TMEM132D: variants seen among roughly 807,000 people sequenced by gnomAD.
The protein encoded by TMEM132D is transmembrane protein 132D, also known as mature OL transmembrane protein.
In TMEM132D, 21 loss-of-function variants were observed where a neutral mutation model predicts 62.3. The ratio of observed to expected loss-of-function variants is 0.34; its 90% CI spans 0.24 to 0.49. TMEM132D has a LOEUF of 0.49. Among genes scored for constraint, TMEM132D ranks in the 20% least tolerant of loss-of-function variants. The pLI is 0.99. For missense variants in TMEM132D, 1,346 were observed against 1,402.8 expected, an observed-to-expected ratio of 0.96 and a Z score of 0.65; for synonymous variants, 621 against 575.6, an observed-to-expected ratio of 1.08 and a Z score of -1.13.
intron 4 of TMEM132D, among the ~76,000 whole-genome samples, chr12:129,323,922 T>TC (rs1256115067): frequency 3.9e-5 from 6 of 152,172 alleles, no homozygotes; most frequent in Non-Finnish European, 8.8e-5. Flanking sequence ...ATTTTTTTTT[T>TC]TTGAAGGTTT....
At chr12:129,221,489 G>A (rs553170772) in intron 4 of TMEM132D, among the ~76,000 whole-genome samples, 1 of 152,200 alleles carries the variant, frequency 6.6e-6, no homozygotes, top group South Asian at 2.1e-4. Context: ...GTCCTTCTGG[G>A]CAGCAGGATA....
intron 5 of TMEM132D, among the ~76,000 whole-genome samples, chr12:129,191,446 A>G (rs972692489): frequency 6.8e-6 from 1 of 147,304 alleles, no homozygotes; most frequent in Non-Finnish European, 1.5e-5. Flanking sequence ...TTTCCTTTCT[A>G]TGGAGGAAAC....
chr12:129,193,518 G>A (rs1272474178), intron 5 of TMEM132D, among the ~76,000 whole-genome samples: 1 of 152,150 alleles, frequency 6.6e-6, no homozygotes, highest in African/African-American at 2.4e-5. Flanking sequence ...TGCCCATCAT[G>A]CTTTAGAGCA....
At chr12:129,168,236 ATC>A (rs1395767501) in intron 5 of TMEM132D, among the ~76,000 whole-genome samples, 2 of 130,286 alleles carry the variant, frequency 1.5e-5, no homozygotes, top group African/African-American at 3.6e-5. Context: ...TCCTCAATCC[ATC>A]TCCTCTTTTG....
chr12:129,842,227 C>A (rs1291124084), intron 1 of TMEM132D, among the ~76,000 whole-genome samples: 2 of 150,268 alleles, frequency 1.3e-5, no homozygotes, highest in African/African-American at 2.5e-5. Flanking sequence ...GGATGACAGG[C>A]GTGAGCCACC....
intron 5 of TMEM132D, among the ~76,000 whole-genome samples, chr12:129,206,814 G>A (rs1051737395): frequency 6.6e-6 from 1 of 152,134 alleles, no homozygotes; most frequent in Non-Finnish European, 1.5e-5. Context: ...GACATGGATG[G>A]AGCTAGAGGC....
chr12:129,387,843 T>C (rs867645067), intron 3 of TMEM132D, among the ~76,000 whole-genome samples: 158 of 67,488 alleles, frequency 2.3e-3, no homozygotes, highest in African/African-American at 3.0e-3. Flanking sequence ...AACACCGACA[T>C]CAATACTAAC....
chr12:129,612,012 G>T (rs967235103), intron 2 of TMEM132D, among the ~76,000 whole-genome samples: 1 of 152,172 alleles, frequency 6.6e-6, no homozygotes, highest in African/African-American at 2.4e-5. Flanking sequence ...CCCTATGGAG[G>T]TGTGGCTCTT....
chr12:129,190,947 G>A (rs4964858), intron 5 of TMEM132D, among the ~76,000 whole-genome samples: 65,158 of 151,696 alleles, frequency 0.43, 14,291 homozygotes, highest in Middle Eastern at 0.51. Context: ...TGCTGCCTCC[G>A]CACAAAAGGT....
At position 129,299,073 on chromosome 12, in the gene TMEM132D, C is replaced by T. The variant is rs149738998; in HGVS notation, c.1299+38561G>A. ...CGCTTCAGAAGGAAGTTCCCAAGGT[C>T]GATCTGTGACTCAGGTATGGCTCAT... On this transcript the variant is annotated intron_variant, in intron 4 of 8. Transcript: ENST00000422113. Among the ~76,000 whole-genome samples the T allele has an allele frequency of 8.9e-4, 136 of 152,272 alleles. 1 individual carries two copies. The highest frequency in any genetic ancestry group is 2.8e-3 in the African/African-American group (118 of 41,562).
intron 5 of TMEM132D, among the ~76,000 whole-genome samples, chr12:129,166,848 TG>T (rs1280080339): frequency 6.6e-6 from 1 of 151,788 alleles, no homozygotes; most frequent in Admixed American, 6.6e-5. Flanking sequence ...TACATTTTCC[TG>T]GGCTAGCTCA....
At chr12:129,539,405 C>CTTTTT (rs33913406) in intron 2 of TMEM132D, among the ~76,000 whole-genome samples, 3 of 117,012 alleles carry the variant, frequency 2.6e-5, no homozygotes, top group South Asian at 2.9e-4. Flanking sequence ...CTAATTTTTT[C>CTTTTT]TTTTTTTTTT....
At position 129,513,833 on chromosome 12, in the gene TMEM132D, TTTATTTATTTATTTA is replaced by T. The variant is rs1566093725; in HGVS notation, c.1115+17211_1115+17225del. Among the ~76,000 whole-genome samples the T allele has an allele frequency of 2.3e-4, 32 of 139,928 alleles. No individual in the cohort carries two copies. The East Asian group carries it at 4.0e-3, about 17-fold the overall frequency. The allele number at this position is 139,928 out of a possible 152,430, so 91.8% of individuals were successfully genotyped here. On this transcript the variant is annotated intron_variant, in intron 3 of 8. Transcript: ENST00000422113. The stretch of plus-strand genomic sequence containing the variant: ...ATTTATTTATTTATTTATTTATTTA[TTTATTTATTTATTTA>T]TTTTTTTGAGACGGAGTCTCGCTCT...
chr12:129,795,512 C>T (rs980619660), intron 1 of TMEM132D, among the ~76,000 whole-genome samples: 1 of 152,208 alleles, frequency 6.6e-6, no homozygotes, highest in Non-Finnish European at 1.5e-5. Flanking sequence ...GGCTGCTGGC[C>T]CCACCTACAA....
chr12:129,116,095 G>A (rs928748527), intron 5 of TMEM132D, among the ~76,000 whole-genome samples: 3 of 152,218 alleles, frequency 2.0e-5, no homozygotes, highest in African/African-American at 7.2e-5. Context: ...TCCAGCCAGG[G>A]CCTCCTCCAG....
chr12:129,764,772 C>G (rs1024347256), intron 1 of TMEM132D, among the ~76,000 whole-genome samples: 1 of 152,086 alleles, frequency 6.6e-6, no homozygotes, highest in African/African-American at 2.4e-5. Flanking sequence ...GAGCTCCTAT[C>G]TCTACAAACA....
intron 2 of TMEM132D, among the ~76,000 whole-genome samples, chr12:129,537,630 C>T (rs527937802): frequency 3.9e-5 from 6 of 152,300 alleles, no homozygotes; most frequent in Admixed American, 3.3e-4. Flanking sequence ...GACTTCAATG[C>T]AACCCATTTT....
chr12:129,147,663 C>T (rs554978478), intron 5 of TMEM132D, among the ~76,000 whole-genome samples: 188 of 152,310 alleles, frequency 1.2e-3, no homozygotes, highest in Admixed American at 2.4e-3. Context: ...GTGTTAGGTA[C>T]TGTATTCTTC....
At chr12:129,705,016 T>A (rs184266654) in intron 1 of TMEM132D, among the ~76,000 whole-genome samples, 9 of 152,266 alleles carry the variant, frequency 5.9e-5, no homozygotes, top group Admixed American at 3.3e-4. Flanking sequence ...TCAGATGCAA[T>A]AACACAGATT....
Sources: allele counts gnomAD v4.1 joint callset (sites outside exome capture counted in the v4.1 genomes callset), GRCh38; gene constraint gnomAD v4.1.1; transcripts MANE v1.5; gene names NCBI Gene and HGNC (gene_info 2026-07-23, HGNC 2026-07-21).